The following SAMD4A variants were observed in gnomAD, a reference collection of about 807,000 sequenced individuals.
SAMD4A encodes the protein protein Smaug homolog 1.
A neutral mutation model predicts 81.3 loss-of-function variants in SAMD4A; 33 were observed. That is an observed-to-expected ratio of 0.41 (90% CI 0.31 to 0.54). SAMD4A has a LOEUF of 0.54. SAMD4A is among the 20% of genes least tolerant of loss of function. The probability of loss-of-function intolerance (pLI) is 0.37; values close to 1 mark genes in which losing one functional copy is unlikely to be tolerated. For synonymous variants in SAMD4A, 389 were observed against 382.1 expected (o/e 1.02, Z -0.21); for missense variants, 854 against 951.1 (o/e 0.90, Z 1.34).
At chr14:54,697,459 A>G (rs17127785) in intron 2 of SAMD4A, among the ~76,000 whole-genome samples, 39,051 of 152,156 alleles carry the variant, frequency 0.26, 5,776 homozygotes, top group Admixed American at 0.35. Flanking sequence ...TCAAGTCTCT[A>G]TGATCAGTTC....
At chr14:54,614,840 A>G (rs973070180) in intron 2 of SAMD4A, among the ~76,000 whole-genome samples, 2 of 152,184 alleles carry the variant, frequency 1.3e-5, no homozygotes, top group African/African-American at 4.8e-5. Context: ...GACCTGTGAC[A>G]TGGGAAGTGG....
chr14:54,709,740 C>T (rs2036944699), intron 3 of SAMD4A, among the ~76,000 whole-genome samples: 1 of 152,168 alleles, frequency 6.6e-6, no homozygotes, highest in Non-Finnish European at 1.5e-5. Flanking sequence ...GCTTGGTCAA[C>T]TTTGTTTCAC....
chr14:54,750,066 C>T (rs2038063646), intron 5 of SAMD4A, among the ~76,000 whole-genome samples: 1 of 152,142 alleles, frequency 6.6e-6, no homozygotes, highest in Admixed American at 6.5e-5. Context: ...TTGATTGCTC[C>T]TTGAAATCCC....
intron 3 of SAMD4A, 165 bp downstream of exon 3, chr14:54,702,745 C>T: frequency 3.8e-6 from 3 of 798,780 alleles, no homozygotes; most frequent in South Asian, 3.7e-5. Flanking sequence ...ATTTGTTGCT[C>T]TTTGACTCTG....
intron 2 of SAMD4A, among the ~76,000 whole-genome samples, chr14:54,579,494 C>T (rs999585943): frequency 1.3e-5 from 2 of 152,096 alleles, no homozygotes; most frequent in Admixed American, 6.5e-5. Flanking sequence ...GGCAATTGAA[C>T]AAAAAACATG....
intron 2 of SAMD4A, among the ~76,000 whole-genome samples, chr14:54,675,367 C>CAAAAAAAAAAAAAAAAAAAAAAA (rs59110762): frequency 1.9e-4 from 14 of 75,384 alleles, no homozygotes; most frequent in Middle Eastern, 0.012. Context: ...ACTCCGTCTC[C>CAAAAAAAAAAAAAAAAAAAAAAA]AAAAAAAAAA....
chr14:54,690,429 C>CT (rs376258542), intron 2 of SAMD4A, among the ~76,000 whole-genome samples: 104 of 147,142 alleles, frequency 7.1e-4, no homozygotes, highest in East Asian at 9.9e-4. Flanking sequence ...AGACTAAGCT[C>CT]TTTTTTTTTT....
At chr14:54,645,421 G>A (rs1488368513) in intron 2 of SAMD4A, among the ~76,000 whole-genome samples, 3 of 152,148 alleles carry the variant, frequency 2.0e-5, no homozygotes, top group African/African-American at 7.2e-5. Context: ...ATATAACTAT[G>A]CAATATCTTT....
chr14:54,645,459 G>A (rs553081003), intron 2 of SAMD4A, among the ~76,000 whole-genome samples: 3 of 152,204 alleles, frequency 2.0e-5, no homozygotes, highest in South Asian at 2.1e-4. Flanking sequence ...GACTCTGCTC[G>A]TTTCTCTAAA....
Position 54,568,105 on chromosome 14 carries a change from C to T in SAMD4A, c.189C>T (p.Asn63=), listed in dbSNP as rs760997382. ...TGCACGTCCTCGAACGCGAGGCCAACAGCCCCGGTAAGTGTGCGGCGGCCG... is the reference window on the plus strand; with the variant it reads ...TGCACGTCCTCGAACGCGAGGCCAATAGCCCCGGTAAGTGTGCGGCGGCCG... ...AELHVLEREA[N]SPGIINQWQQ... is the part of the protein sequence containing the mutation. The change falls in exon 2 of 13, where the codon AAC becomes AAT. Residue 63 remains asparagine (N), a synonymous_variant. Coordinates refer to ENST00000554335, the MANE Select transcript of SAMD4A (RefSeq NM_015589.6). 72 of 1,538,536 alleles carry T rather than the reference C, an allele frequency of 4.7e-5. No homozygotes were observed. In the African/African-American group the frequency reaches 5.9e-4, roughly 13 times the overall value.
In SAMD4A at chr14:54,748,931, G is replaced by T; in HGVS notation, c.1089+7G>T. 1 of 1,545,320 alleles carries T rather than the reference G, an allele frequency of 6.5e-7. No individual in the cohort carries two copies. Among genetic ancestry groups the T allele is most frequent in the South Asian group, 1.2e-5 (1 of 83,924 alleles). On this transcript the variant is annotated splice_region_variant and intron_variant, in intron 5 of 12. Transcript: ENST00000554335. ...GTGCCAGCTGGAGGCGCAGGTATGT[G>T]CTTGAGGTGACTGTTCCCTGAGAGG... is the stretch of plus-strand genomic sequence containing the variant.
At chr14:54,656,777 G>A (rs545034576) in intron 2 of SAMD4A, among the ~76,000 whole-genome samples, 6 of 152,122 alleles carry the variant, frequency 3.9e-5, no homozygotes, top group Admixed American at 2.6e-4. Context: ...ACAGGTGCCC[G>A]CCACCATGCC....
At chr14:54,574,544 T>G (rs562418347) in intron 2 of SAMD4A, among the ~76,000 whole-genome samples, 3 of 152,282 alleles carry the variant, frequency 2.0e-5, no homozygotes, top group Admixed American at 2.0e-4. Flanking sequence ...ATGAGGGATA[T>G]TCACCGTCAT....
chr14:54,714,305 C>T (rs962113562), intron 3 of SAMD4A, among the ~76,000 whole-genome samples: 1 of 152,234 alleles, frequency 6.6e-6, no homozygotes, highest in East Asian at 1.9e-4. Context: ...TACAATTTAG[C>T]TTATAGTTTT....
At chr14:54,623,483 C>CAAAAAAAAAAAAAAAAAAAAAAAAAA (rs59768858) in intron 2 of SAMD4A, among the ~76,000 whole-genome samples, 2 of 45,952 alleles carry the variant, frequency 4.4e-5, no homozygotes, top group Non-Finnish European at 7.8e-5. Context: ...TGGACATCAG[C>CAAAAAAAAAAAAAAAAAAAAAAAAAA]AAAAAAAAAA....
At chr14:54,782,685 T>C (rs2039028934) in intron 11 of SAMD4A, among the ~76,000 whole-genome samples, 2 of 152,232 alleles carry the variant, frequency 1.3e-5, no homozygotes, top group Non-Finnish European at 1.5e-5. Context: ...TTCCATAGCG[T>C]TCCTTTTTGC....
At position 54,739,445 on chromosome 14, in the gene SAMD4A, A is replaced by G. The variant is rs78725154; in HGVS notation, c.979+2158A>G. Among the ~76,000 whole-genome samples the G allele has an allele frequency of 6.3e-4, 95 of 151,840 alleles. 1 individual carries two copies. In the East Asian group the frequency reaches 0.016, roughly 26 times the overall value. On this transcript the variant is annotated intron_variant, in intron 4 of 12. Transcript: ENST00000554335. ...GCTGTATTTCCACCTTCTCTGACCT[A>G]TTGAACTTCCCTTCTTCCAAGAACT...
In SAMD4A at chr14:54,789,114, A is replaced by C; in HGVS notation, c.*170A>C. 1 of 690,728 alleles carries C rather than the reference A, an allele frequency of 1.4e-6. No homozygotes were observed. Among genetic ancestry groups the C allele is most frequent in the Non-Finnish European group, 2.5e-6 (1 of 392,470 alleles). 42.8% of individuals were successfully genotyped at this position (690,728 alleles called of 1,614,324 possible). On this transcript the variant is annotated 3_prime_UTR_variant, in exon 13 of 13. Transcript: ENST00000554335. ...GAGCGTAGGTCATCCTCGTAAACAT[A>C]TCAGTAGACCTGGGGTTGGTTATTT...
At chr14:54,629,574 A>G (rs2034844779) in intron 2 of SAMD4A, among the ~76,000 whole-genome samples, 1 of 152,112 alleles carries the variant, frequency 6.6e-6, no homozygotes, top group African/African-American at 2.4e-5. Flanking sequence ...TTATATAATG[A>G]ACCTATATTA....
Sources: gnomAD v4.1 joint callset for allele counts (sites outside exome capture counted in the v4.1 genomes callset) on GRCh38, gnomAD v4.1.1 for gene constraint, MANE v1.5 for transcripts, NCBI Gene and HGNC (gene_info 2026-07-23, HGNC 2026-07-21) for gene names.